The following ANK3 variants were observed in gnomAD, a reference collection of about 807,000 sequenced individuals.
The protein encoded by ANK3 is ankyrin 3.
A neutral mutation model predicts 370.9 loss-of-function variants in ANK3; 57 were observed. The ratio of observed to expected loss-of-function variants is 0.15; its 90% CI spans 0.12 to 0.19. The LOEUF is 0.19. Among genes scored for constraint, ANK3 ranks in the 10% least tolerant of loss-of-function variants. The pLI, the probability that ANK3 is intolerant of heterozygous loss-of-function variation, is 1.00. For synonymous variants in ANK3, 1,929 were observed against 1,946.3 expected (o/e 0.99, Z 0.23); for missense variants, 4,439 against 5,302.1 (o/e 0.84, Z 5.06).
chr10:60,073,301 A>G lies in ANK3; in HGVS notation c.7580T>C (p.Val2527Ala). ...ATGCTCATCTTTAGACACTTTACCT[A>G]CACCATTTTCAGAAACATCTTTATA... ...KIYKDVSENGVGKVSKDEHFD... is the reference protein window; with the variant it reads ...KIYKDVSENGAGKVSKDEHFD... The change falls in exon 37 of 44, where the codon GTA (valine) becomes GCA (alanine). Residue 2527 changes from valine to alanine, a missense_variant. Physicochemically the swap from Val to Ala is moderately conservative, Grantham distance 64. This residue lies in a region of ANK3 where 1,601 missense variants were observed against 1,731.7 expected (regional missense o/e 0.92). Transcript: ENST00000280772. 1 of 1,613,984 alleles carries G rather than the reference A, an allele frequency of 6.2e-7. No homozygotes were observed. Among genetic ancestry groups the G allele is most frequent in the East Asian group, 2.2e-5 (1 of 44,860 alleles).
chr10:60,464,713 C>A lies in ANK3; in HGVS notation c.96+150473G>T, dbSNP rs73271020. On this transcript the variant is annotated intron_variant, in intron 2 of 43. Coordinates refer to the ANK3 transcript ENST00000373827. ...AACCCCCAATATACTGTCAAAGTGCCTCATGTCAAATATTCAACAACAAAA... is the reference window on the plus strand; with the variant it reads ...AACCCCCAATATACTGTCAAAGTGCATCATGTCAAATATTCAACAACAAAA... Among the ~76,000 whole-genome samples, 403 of 152,258 alleles carry A rather than the reference C, an allele frequency of 2.6e-3. 4 individuals are homozygous for A. Among genetic ancestry groups the A allele is most frequent in the African/African-American group, 9.5e-3 (393 of 41,542 alleles).
chr10:60,468,151 ATT>A (rs1018450206), intron 2 of ANK3, among the ~76,000 whole-genome samples: 1 of 151,780 alleles, frequency 6.6e-6, no homozygotes, highest in African/African-American at 2.4e-5. Context: ...CGCCCAGCTA[ATT>A]TTGTATTTTT....
intron 1 of ANK3, among the ~76,000 whole-genome samples, chr10:60,333,855 A>C (rs2052090816): frequency 6.6e-6 from 1 of 152,170 alleles, no homozygotes; most frequent in Non-Finnish European, 1.5e-5. Context: ...GTGTTTTTAA[A>C]GAAAATTTTC....
intron 1 of ANK3, among the ~76,000 whole-genome samples, chr10:60,372,115 T>C (rs564993129): frequency 1.7e-4 from 26 of 152,294 alleles, no homozygotes; most frequent in Admixed American, 3.3e-4. Flanking sequence ...CACAAATCAG[T>C]TAAATTCATA....
At chr10:60,438,578 T>C (rs908304443) in intron 2 of ANK3, among the ~76,000 whole-genome samples, 6 of 152,178 alleles carry the variant, frequency 3.9e-5, no homozygotes. Context: ...CATTTCCAGC[T>C]ATTCACAACC....
rs150071652 is a variant in ANK3 at position 60,593,752 on chromosome 10, G to A, written c.96+21434C>T. Among the ~76,000 whole-genome samples, 93 of 152,310 alleles carry A rather than the reference G, an allele frequency of 6.1e-4. No individual in the cohort carries two copies. The East Asian group carries it at 0.017, about 28-fold the overall frequency. Reference sequence around the variant, plus strand: ...AAAATATCTCCTGTTCAAGGGAACTGTGGTGAAGTGGATGGTTGCCTCACT... The same window carrying A: ...AAAATATCTCCTGTTCAAGGGAACTATGGTGAAGTGGATGGTTGCCTCACT... On this transcript the variant is annotated intron_variant, in intron 2 of 43. Coordinates refer to the ANK3 transcript ENST00000373827.
chr10:60,084,925 G>A (rs1367504716), intron 31 of ANK3, 95 bp from the exon 32 acceptor site: 13 of 959,910 alleles, frequency 1.4e-5, no homozygotes, highest in Non-Finnish European at 1.1e-5. Context: ...ATATGTAAAG[G>A]AACTAACCCA....
At chr10:60,043,032 C>G (rs774463584) in intron 42 of ANK3, 43 of 1,201,670 alleles carry the variant, frequency 3.6e-5, no homozygotes, top group Non-Finnish European at 2.0e-5. Context: ...AGCAGCCTAT[C>G]CATTTCCTAT....
intron 1 of ANK3, among the ~76,000 whole-genome samples, chr10:60,368,086 A>G (rs1438768590): frequency 1.3e-5 from 2 of 152,198 alleles, no homozygotes; most frequent in Non-Finnish European, 2.9e-5. Flanking sequence ...GTAGCCCTGT[A>G]TCCTAGAATT....
In ANK3 at chr10:60,069,825, T is replaced by C; in HGVS notation, c.11056A>G (p.Ile3686Val). 6.2e-7 allele frequency: 1 copy of C among 1,614,144 alleles called. No individual in the cohort carries two copies. The highest frequency in any genetic ancestry group is 1.7e-5 in the Admixed American group (1 of 59,998). The change falls in exon 37 of 44, where the codon ATC becomes GTC. Residue 3686 changes from isoleucine (I) to valine (V), a missense_variant. Physicochemically the swap from Ile to Val is conservative, Grantham distance 29 (BLOSUM62 3). This residue lies in a region of ANK3 where 496 missense variants were observed against 529.3 expected (regional missense o/e 0.94). Coordinates refer to ENST00000280772, the MANE Select transcript of ANK3 (RefSeq NM_020987.5). ...ETPTVEPNPS[I>V]PTSGECQEGT... is the part of the protein sequence containing the mutation. ...TCCTGACACTCTCCGCTGGTCGGGA[T>C]GCTGGGGTTAGGTTCCACTGTAGGT...
At chr10:60,391,647 G>A (rs185784697), upstream of ANK3, among the ~76,000 whole-genome samples, 3 of 152,134 alleles carry the variant, frequency 2.0e-5, no homozygotes, top group South Asian at 2.1e-4. Context: ...CTTTATAGAC[G>A]CTAATGATAC....
intron 2 of ANK3, among the ~76,000 whole-genome samples, chr10:60,454,358 T>A (rs1468615727): frequency 6.6e-6 from 1 of 152,190 alleles, no homozygotes; most frequent in Non-Finnish European, 1.5e-5. Flanking sequence ...GATGACACTT[T>A]TCTCCTTCTC....
chr10:60,645,410 C>A (rs1386699350), intron 1 of ANK3, among the ~76,000 whole-genome samples: 4 of 151,994 alleles, frequency 2.6e-5, no homozygotes, highest in Admixed American at 2.6e-4. Flanking sequence ...TAATCTATGA[C>A]AATGAAAAGC....
At chr10:60,210,289 G>A (rs1186949480) in intron 9 of ANK3, among the ~76,000 whole-genome samples, 1 of 152,042 alleles carries the variant, frequency 6.6e-6, no homozygotes, top group Non-Finnish European at 1.5e-5. Flanking sequence ...AATAAAATAT[G>A]GCCAGATGGC....
chr10:60,126,151 C>T (rs1225851089), intron 25 of ANK3, among the ~76,000 whole-genome samples: 1 of 152,126 alleles, frequency 6.6e-6, no homozygotes, highest in Non-Finnish European at 1.5e-5. Context: ...AAACCAGTCA[C>T]TATTGAAGGC....
At chr10:60,523,494 G>A (rs894492920) in intron 2 of ANK3, among the ~76,000 whole-genome samples, 25 of 147,766 alleles carry the variant, frequency 1.7e-4, no homozygotes, top group Admixed American at 9.7e-4. Flanking sequence ...TGCGGTGTTT[G>A]GTTTTTTTGT....
chr10:60,159,942 G>GCAAT (rs1565382505), intron 23 of ANK3, among the ~76,000 whole-genome samples: 1 of 152,014 alleles, frequency 6.6e-6, no homozygotes, highest in Non-Finnish European at 1.5e-5. Context: ...GCAGTTAATA[G>GCAAT]CAATAAATGC....
At chr10:60,694,210 A>G (rs2079405735) in intron 1 of ANK3, among the ~76,000 whole-genome samples, 1 of 152,340 alleles carries the variant, frequency 6.6e-6, no homozygotes, top group African/African-American at 2.4e-5. Context: ...AAAACAATAA[A>G]AAGAAACGAG....
At chr10:60,268,708 A>G (rs1366810938) in intron 5 of ANK3, among the ~76,000 whole-genome samples, 12 of 152,086 alleles carry the variant, frequency 7.9e-5, no homozygotes, top group Non-Finnish European at 1.5e-5. Flanking sequence ...GCTTGTAAAT[A>G]CTAGTTTTTG....
Sources: allele counts gnomAD v4.1 joint callset (sites outside exome capture counted in the v4.1 genomes callset), GRCh38; gene constraint gnomAD v4.1.1; regional missense constraint gnomAD v4.1.1; transcripts MANE v1.5; gene names NCBI Gene and HGNC (gene_info 2026-07-23, HGNC 2026-07-21).